NRTN: variants seen among roughly 807,000 people sequenced by gnomAD.
NRTN encodes neurturin, also known as prepro-neurturin.
A neutral mutation model predicts 7.5 loss-of-function variants in NRTN; 3 were observed. The observed-to-expected ratio is 0.40, with a 90% CI of 0.18 to 1.03. The LOEUF is 1.03. Among genes scored for constraint, NRTN ranks in the 50% least tolerant of loss-of-function variants. The pLI is 0.34. For missense variants in NRTN, 310 were observed against 307.0 expected, an observed-to-expected ratio of 1.01 and a Z score of -0.07; for synonymous variants, 157 against 146.6, an observed-to-expected ratio of 1.07 and a Z score of -0.51.
At chr19:5,814,463 C>T (rs551169933) in intron 1 of NRTN, among the ~76,000 whole-genome samples, 2 of 152,210 alleles carry the variant, frequency 1.3e-5, no homozygotes, top group South Asian at 4.1e-4. Flanking sequence ...CTTTCTTCAT[C>T]TCTCAGGTGC....
chr19:5,821,007 CA>C (rs1465161462), intron 1 of NRTN, among the ~76,000 whole-genome samples: 3 of 152,160 alleles, frequency 2.0e-5, no homozygotes, highest in African/African-American at 7.2e-5. Flanking sequence ...TTGCACAGGC[CA>C]TGCCTCTGCC....
intron 1 of NRTN, among the ~76,000 whole-genome samples, chr19:5,810,889 A>C (rs188142858): frequency 6.6e-6 from 1 of 151,466 alleles, no homozygotes. Flanking sequence ...AGATCGCTCC[A>C]CTGCACTCCA....
Position 5,828,235 on chromosome 19 carries a change from C to A in NRTN, c.*62C>A. The A allele has an allele frequency of 6.6e-7, 1 of 1,509,244 alleles. No homozygotes were observed. 93.5% of individuals were successfully genotyped at this position (1,509,244 alleles called of 1,614,324 possible). On this transcript the variant is annotated 3_prime_UTR_variant, in exon 3 of 3. Transcript: ENST00000303212. Reference sequence around the variant, plus strand: ...CCGCCTCGACGGCACCACTGGCCGGCCCCGCGAAAGACTGCGCGTGCGTAG... The same window carrying A: ...CCGCCTCGACGGCACCACTGGCCGGACCCGCGAAAGACTGCGCGTGCGTAG...
intron 1 of NRTN, among the ~76,000 whole-genome samples, chr19:5,809,175 T>G (rs1285512586): frequency 2.6e-5 from 4 of 151,196 alleles, no homozygotes; most frequent in Admixed American, 2.0e-4. Context: ...CCTGAGTTTT[T>G]TTTTTTTTTT....
chr19:5,824,393 C>T, intron 2 of NRTN, 59 bp downstream of exon 2: 1 of 1,541,072 alleles, frequency 6.5e-7, no homozygotes, highest in African/African-American at 1.4e-5. Context: ...GAATTTCAGG[C>T]AGTGGAGTGG....
intron 1 of NRTN, among the ~76,000 whole-genome samples, chr19:5,819,733 A>G (rs995081342): frequency 3.3e-5 from 5 of 152,052 alleles, no homozygotes; most frequent in African/African-American, 1.2e-4. Context: ...CTGTGGTCCC[A>G]GTTACTTGGG....
intron 1 of NRTN, among the ~76,000 whole-genome samples, chr19:5,811,192 C>A (rs555478450): frequency 1.3e-5 from 2 of 151,978 alleles, no homozygotes; most frequent in African/African-American, 4.8e-5. Context: ...GAGCCGAGAT[C>A]GTGCAACTGC....
intron 1 of NRTN, among the ~76,000 whole-genome samples, chr19:5,812,941 T>C (rs949680706): frequency 1.3e-5 from 2 of 152,104 alleles, no homozygotes; most frequent in East Asian, 3.9e-4. Flanking sequence ...CACAGGCACT[T>C]CCCCACTGGC....
Sources: allele counts gnomAD v4.1 joint callset (sites outside exome capture counted in the v4.1 genomes callset), GRCh38; gene constraint gnomAD v4.1.1; transcripts MANE v1.5; gene names NCBI Gene and HGNC (gene_info 2026-07-23, HGNC 2026-07-21).